The following SOBP variants were observed in gnomAD, a reference collection of about 807,000 sequenced individuals.
The protein encoded by SOBP is sine oculis binding protein homolog.
In SOBP, 4 loss-of-function variants were observed where a neutral mutation model predicts 53.6. That is an observed-to-expected ratio of 0.07 (90% CI 0.04 to 0.17). The LOEUF (loss-of-function observed/expected upper bound fraction) is 0.17, where lower values mean the gene tolerates loss of function less well. SOBP is among the 10% of genes least tolerant of loss of function. The probability of loss-of-function intolerance (pLI) is 1.00; values close to 1 mark genes in which losing one functional copy is unlikely to be tolerated. For missense variants in SOBP, 1,088 were observed against 1,204.7 expected, an observed-to-expected ratio of 0.90 and a Z score of 1.43; for synonymous variants, 584 against 522.6, an observed-to-expected ratio of 1.12 and a Z score of -1.60.
intron 5 of SOBP, among the ~76,000 whole-genome samples, chr6:107,609,598 A>G (rs1340304461): frequency 1.3e-5 from 2 of 152,182 alleles, no homozygotes; most frequent in East Asian, 1.9e-4. Context: ...TAACTGATAC[A>G]TTTCCCAGGA....
At chr6:107,573,765 AC>A (rs2115041506) in intron 4 of SOBP, among the ~76,000 whole-genome samples, 1 of 152,298 alleles carries the variant, frequency 6.6e-6, no homozygotes, top group Admixed American at 6.5e-5. Context: ...TTTGTAGTTT[AC>A]TTTTATTTAC....
At chr6:107,653,138 C>T (rs1413568721) in intron 6 of SOBP, among the ~76,000 whole-genome samples, 1 of 152,180 alleles carries the variant, frequency 6.6e-6, no homozygotes, top group Non-Finnish European at 1.5e-5. Context: ...CAATTTCTAT[C>T]CTGCAAAAGC....
intron 5 of SOBP, among the ~76,000 whole-genome samples, chr6:107,588,992 G>A (rs539598212): frequency 7.9e-5 from 12 of 152,314 alleles, no homozygotes; most frequent in African/African-American, 2.4e-4. Flanking sequence ...AAAAGTGATG[G>A]TGTTTGGCTG....
At chr6:107,547,739 T>G (rs894428665) in intron 4 of SOBP, among the ~76,000 whole-genome samples, 1 of 152,170 alleles carries the variant, frequency 6.6e-6, no homozygotes, top group Non-Finnish European at 1.5e-5. Context: ...GTTTAATACA[T>G]AGTACATACA....
intron 4 of SOBP, among the ~76,000 whole-genome samples, chr6:107,550,568 T>C (rs554248477): frequency 6.6e-6 from 1 of 152,172 alleles, no homozygotes; most frequent in South Asian, 2.1e-4. Flanking sequence ...AGTAAACAAA[T>C]GACATGATGT....
intron 1 of SOBP, among the ~76,000 whole-genome samples, chr6:107,500,823 C>A (rs947971716): frequency 2.0e-5 from 3 of 152,154 alleles, no homozygotes; most frequent in African/African-American, 7.2e-5. Context: ...CCACACCCAG[C>A]CTTAAATTTT....
At chr6:107,520,490 A>G (rs1451533969) in intron 3 of SOBP, among the ~76,000 whole-genome samples, 1 of 152,200 alleles carries the variant, frequency 6.6e-6, no homozygotes, top group Non-Finnish European at 1.5e-5. Context: ...CATGGATTCT[A>G]GATCACATAC....
intron 6 of SOBP, among the ~76,000 whole-genome samples, chr6:107,648,401 A>G (rs1771649736): frequency 8.0e-6 from 1 of 124,768 alleles, no homozygotes; most frequent in Non-Finnish European, 1.8e-5. Context: ...TAACAGGGAC[A>G]CAGTGACACC....
intron 4 of SOBP, among the ~76,000 whole-genome samples, chr6:107,578,859 A>G (rs1045694019): frequency 1.3e-5 from 2 of 152,128 alleles, no homozygotes; most frequent in Admixed American, 6.5e-5. Context: ...ATCCTTTTCT[A>G]GCCTTACAGA....
In SOBP at chr6:107,634,631, A is replaced by T. The variant is rs1321777092; in HGVS notation, c.1787A>T (p.Asp596Val). ...AAGCAGGGCTCGTCCAAGTCCGCGG[A>T]CTCGCCCCCCGGCTGCTCGGGCCAG... The part of the protein sequence containing the change: ...DSKQGSSKSA[D>V]SPPGCSGQAL... The change falls in exon 6 of 7, where the codon GAC (aspartate) becomes GTC (valine). Residue 596 changes from aspartate (D) to valine (V), a missense_variant. Around this residue, in one of 6 missense-constraint regions of SOBP, gnomAD observed 665 missense variants for 629.7 expected, o/e 1.06. Transcript: ENST00000317357. The surrounding 1 kb of genome is among the most constrained non-coding windows in gnomAD (Gnocchi z 4.5). 2 of 1,581,490 alleles carry T rather than the reference A, an allele frequency of 1.3e-6. No individual in the cohort carries two copies. Among genetic ancestry groups the T allele is most frequent in the Non-Finnish European group, 1.7e-6 (2 of 1,171,032 alleles).
intron 5 of SOBP, among the ~76,000 whole-genome samples, chr6:107,615,308 GA>G (rs1245084071): frequency 6.6e-6 from 1 of 152,136 alleles, no homozygotes; most frequent in Non-Finnish European, 1.5e-5. Context: ...TAAAATTAAG[GA>G]AAGAAAGATT....
intron 5 of SOBP, among the ~76,000 whole-genome samples, chr6:107,610,780 GCA>G (rs1040804706): frequency 2.8e-5 from 4 of 143,542 alleles, no homozygotes; most frequent in Non-Finnish European, 6.0e-5. Flanking sequence ...GTGTGTGTGC[GCA>G]CGTGTGTGCA....
intron 4 of SOBP, among the ~76,000 whole-genome samples, chr6:107,542,517 T>G (rs1177513103): frequency 6.6e-6 from 1 of 152,162 alleles, no homozygotes; most frequent in Non-Finnish European, 1.5e-5. Flanking sequence ...TGATATGATC[T>G]GATTTTTGTT....
intron 4 of SOBP, among the ~76,000 whole-genome samples, chr6:107,538,687 A>T (rs1406601807): frequency 6.6e-6 from 1 of 152,194 alleles, no homozygotes; most frequent in African/African-American, 2.4e-5. Flanking sequence ...CCAGGGTTTT[A>T]GTCTGCAGGC....
intron 3 of SOBP, among the ~76,000 whole-genome samples, chr6:107,524,019 ATTAAGTGTAAATAT>A (rs1783589335): frequency 6.6e-6 from 1 of 152,250 alleles, no homozygotes; most frequent in African/African-American, 2.4e-5. Flanking sequence ...TGTGGGACCC[ATTAAGTGTAAATAT>A]TGGGACAGTC....
chr6:107,559,590 G>C (rs993929038), intron 4 of SOBP, among the ~76,000 whole-genome samples: 3 of 152,216 alleles, frequency 2.0e-5, no homozygotes, highest in Non-Finnish European at 4.4e-5. Flanking sequence ...TTAATCTCCT[G>C]ATCATCCATC....
intron 5 of SOBP, among the ~76,000 whole-genome samples, chr6:107,596,835 A>G (rs972531024): frequency 2.0e-5 from 3 of 152,082 alleles, no homozygotes; most frequent in African/African-American, 7.3e-5. Context: ...CATCACCACC[A>G]CCACCACCAC....
intron 3 of SOBP, among the ~76,000 whole-genome samples, chr6:107,518,045 T>C (rs1307666283): frequency 6.6e-6 from 1 of 152,152 alleles, no homozygotes; most frequent in Admixed American, 6.6e-5. Flanking sequence ...GAAAAAATCT[T>C]TCCAAAGAAT....
chr6:107,597,721 A>T (rs1785998138), intron 5 of SOBP, among the ~76,000 whole-genome samples: 1 of 152,138 alleles, frequency 6.6e-6, no homozygotes. Flanking sequence ...CAATGTTCTG[A>T]CTGTCATCAA....
Sources: gnomAD v4.1 joint callset for allele counts (sites outside exome capture counted in the v4.1 genomes callset) on GRCh38, gnomAD v4.1.1 for gene constraint, gnomAD v4.1.1 regional missense constraint, Gnocchi (gnomAD v3.1) non-coding constraint, MANE v1.5 for transcripts, NCBI Gene and HGNC (gene_info 2026-07-23, HGNC 2026-07-21) for gene names.